CHKA: variants seen among roughly 807,000 people sequenced by gnomAD.
CHKA encodes choline kinase alpha, also known as CHETK-alpha.
A neutral mutation model predicts 60.1 loss-of-function variants in CHKA; 34 were observed. That is an observed-to-expected ratio of 0.57 (90% confidence interval 0.43 to 0.75). The LOEUF (loss-of-function observed/expected upper bound fraction) is 0.75. CHKA is among the 30% of genes least tolerant of loss of function. The pLI is 0.00. For missense variants in CHKA, 563 were observed against 561.3 expected (o/e 1.00, Z -0.03); for synonymous variants, 217 against 223.1 (o/e 0.97, Z 0.24).
chr11:68,085,589 T>C (rs1239011182), intron 2 of CHKA, among the ~76,000 whole-genome samples: 20 of 152,200 alleles, frequency 1.3e-4, no homozygotes, highest in Admixed American at 1.3e-3. Flanking sequence ...GTCTGAATTA[T>C]ATTAGCTATG....
At chr11:68,074,516 G>A (rs1378469923) in intron 4 of CHKA, among the ~76,000 whole-genome samples, 2 of 152,170 alleles carry the variant, frequency 1.3e-5, no homozygotes, top group Non-Finnish European at 2.9e-5. Context: ...AAATTTGGAT[G>A]AATACACCTT....
chr11:68,076,535 G>A (rs769669503), intron 3 of CHKA, among the ~76,000 whole-genome samples: 7 of 152,146 alleles, frequency 4.6e-5, no homozygotes, highest in Non-Finnish European at 1.0e-4. Context: ...CCAGGGGGCA[G>A]CACGGTCCTG....
At position 68,053,928 on chromosome 11, in the gene CHKA, C is replaced by G; in HGVS notation, c.*60G>C. On this transcript the variant is annotated 3_prime_UTR_variant, in exon 12 of 12. Coordinates refer to ENST00000265689, the MANE Select transcript of CHKA (RefSeq NM_001277.3). The stretch of plus-strand genomic sequence containing the variant: ...AGCAGTAGTCGAAGCACAGAGGGGA[C>G]CCCGCTCTGCTGCCTCCCCATGCAG... 1 of 1,475,310 alleles carries G rather than the reference C, an allele frequency of 6.8e-7. No individual in the cohort carries two copies. Among genetic ancestry groups the G allele is most frequent in the East Asian group, 2.3e-5 (1 of 43,674 alleles). The allele number at this position is 1,475,310 out of a possible 1,614,324, so 91.4% of individuals were successfully genotyped here. A position where few individuals can be genotyped will look rare whatever the true frequency, so the allele number is the denominator to read the frequency against.
At chr11:68,120,271 T>C (rs189419596) in intron 1 of CHKA, among the ~76,000 whole-genome samples, 104 of 152,110 alleles carry the variant, frequency 6.8e-4, no homozygotes, top group African/African-American at 2.4e-3. Context: ...ACCTTACTCT[T>C]ATTTTAGGAG....
intron 11 of CHKA, among the ~76,000 whole-genome samples, chr11:68,054,579 T>C (rs896723396): frequency 2.0e-5 from 3 of 152,158 alleles, no homozygotes; most frequent in Non-Finnish European, 4.4e-5. Flanking sequence ...TTTTCTGGGA[T>C]TGTGTTGTGT....
At chr11:68,100,937 CTTTTTTTTTTTTTTTT>C (rs758101816) in intron 1 of CHKA, among the ~76,000 whole-genome samples, 1 of 78,212 alleles carries the variant, frequency 1.3e-5, no homozygotes, top group African/African-American at 5.9e-5. Flanking sequence ...TAAAGAGGTT[CTTTTTTTTTTTTTTTT>C]TTTTTTTTTT....
At chr11:68,116,885 A>AC (rs1420175640) in intron 1 of CHKA, among the ~76,000 whole-genome samples, 1 of 152,134 alleles carries the variant, frequency 6.6e-6, no homozygotes, top group Non-Finnish European at 1.5e-5. Context: ...TTTTCCCTAT[A>AC]CCACTCATAG....
At chr11:68,064,487 AAAGCTAT>A (rs746920240) in intron 10 of CHKA, 31 bp downstream of exon 10, 12 of 1,040,982 alleles carry the variant, frequency 1.2e-5, no homozygotes, top group Non-Finnish European at 1.6e-5. Context: ...TATAAAGAGG[AAAGCTAT>A]CTTTACAAAT....
chr11:68,080,753 C>G (rs897853952), intron 3 of CHKA, among the ~76,000 whole-genome samples: 1 of 152,192 alleles, frequency 6.6e-6, no homozygotes, highest in South Asian at 2.1e-4. Context: ...GCACATGCAC[C>G]CTTCTCTGTG....
chr11:68,060,095 C>T (rs555638617), intron 11 of CHKA, among the ~76,000 whole-genome samples: 15 of 146,668 alleles, frequency 1.0e-4, no homozygotes, highest in African/African-American at 2.6e-4. Context: ...GGCGTGATCT[C>T]GGCTCACTGC....
At chr11:68,071,052 G>A (rs149042944) in intron 4 of CHKA, among the ~76,000 whole-genome samples, 195 bp from the exon 5 acceptor site, 7 of 152,274 alleles carry the variant, frequency 4.6e-5, no homozygotes, top group African/African-American at 1.7e-4. Context: ...CTACAGTGAG[G>A]AGCCGGCCAC....
intron 3 of CHKA, 130 bp downstream of exon 3, chr11:68,081,274 C>A: frequency 1.5e-6 from 1 of 673,252 alleles, no homozygotes. Context: ...TACCAAGAGC[C>A]CCTCCTCGTA....
At chr11:68,083,509 T>C (rs1857053645) in intron 2 of CHKA, among the ~76,000 whole-genome samples, 2 of 152,216 alleles carry the variant, frequency 1.3e-5, no homozygotes, top group South Asian at 4.1e-4. Context: ...GTTATTCCTA[T>C]GCTGTTGTTA....
intron 2 of CHKA, among the ~76,000 whole-genome samples, chr11:68,087,952 A>G (rs939712936): frequency 2.0e-5 from 3 of 151,940 alleles, no homozygotes; most frequent in South Asian, 4.2e-4. Flanking sequence ...GTCTCTACTT[A>G]AAATACAAAA....
chr11:68,099,686 G>A (rs1017181864), intron 1 of CHKA, among the ~76,000 whole-genome samples: 8 of 152,300 alleles, frequency 5.3e-5, no homozygotes, highest in African/African-American at 1.4e-4. Flanking sequence ...CCCCTGCCGC[G>A]TCTGGTCACA....
At chr11:68,092,996 GTT>G (rs72337177) in intron 2 of CHKA, among the ~76,000 whole-genome samples, 1 of 135,192 alleles carries the variant, frequency 7.4e-6, no homozygotes, top group Non-Finnish European at 1.6e-5. Context: ...TTCCCATCCA[GTT>G]TTTTTTGGGT....
chr11:68,112,548 C>T (rs576208475), intron 1 of CHKA, among the ~76,000 whole-genome samples: 3 of 152,330 alleles, frequency 2.0e-5, no homozygotes, highest in African/African-American at 4.8e-5. Context: ...GCATAAGCCA[C>T]TGCGCCCAGC....
intron 3 of CHKA, among the ~76,000 whole-genome samples, chr11:68,077,230 ACT>A (rs1384281447): frequency 2.6e-5 from 4 of 152,144 alleles, no homozygotes; most frequent in Non-Finnish European, 4.4e-5. Flanking sequence ...ACAGAGCAAG[ACT>A]CTGTCTCAAA....
intron 11 of CHKA, among the ~76,000 whole-genome samples, chr11:68,059,181 C>T (rs1856131594): frequency 6.6e-6 from 1 of 152,234 alleles, no homozygotes; most frequent in African/African-American, 2.4e-5. Context: ...AGGCATGAGC[C>T]ACCGCGCCTG....
Sources: allele counts gnomAD v4.1 joint callset (sites outside exome capture counted in the v4.1 genomes callset), GRCh38; gene constraint gnomAD v4.1.1; transcripts MANE v1.5; gene names NCBI Gene and HGNC (gene_info 2026-07-23, HGNC 2026-07-21).